Variants in CELF1 observed in about 807,000 individuals in gnomAD.
CELF1 encodes 50 kDa nuclear polyadenylated RNA-binding protein.
In CELF1, 10 loss-of-function variants were observed where a neutral mutation model predicts 61.8. The ratio of observed to expected loss-of-function variants is 0.16; its 90% CI spans 0.10 to 0.27. The LOEUF (loss-of-function observed/expected upper bound fraction) is 0.27, where lower values mean the gene tolerates loss of function less well. Among genes scored for constraint, CELF1 ranks in the 10% least tolerant of loss-of-function variants. The pLI is 1.00. For synonymous variants in CELF1, 236 were observed against 225.1 expected, an observed-to-expected ratio of 1.05 and a Z score of -0.43; for missense variants, 380 against 639.1, an observed-to-expected ratio of 0.59 and a Z score of 4.37.
intron 9 of CELF1, among the ~76,000 whole-genome samples, chr11:47,479,563 G>A (rs1276889958): frequency 1.3e-5 from 2 of 152,136 alleles, no homozygotes; most frequent in Non-Finnish European, 2.9e-5. Flanking sequence ...TGTTGCAGAT[G>A]ACCAAATGAC....
At chr11:47,494,016 C>A (rs1397481462) in intron 3 of CELF1, among the ~76,000 whole-genome samples, 1 of 152,242 alleles carries the variant, frequency 6.6e-6, no homozygotes, top group Non-Finnish European at 1.5e-5. Context: ...TTGTACCTTA[C>A]TTCCCCATTC....
chr11:47,538,902 T>C (rs929314947), intron 1 of CELF1, among the ~76,000 whole-genome samples: 1 of 152,166 alleles, frequency 6.6e-6, no homozygotes, highest in Non-Finnish European at 1.5e-5. Flanking sequence ...ATTCATGAAG[T>C]TACTGAGCTG....
chr11:47,483,410 T>C (rs1317505373), intron 8 of CELF1, 43 bp downstream of exon 8: 5 of 1,514,110 alleles, frequency 3.3e-6, no homozygotes, highest in Non-Finnish European at 3.7e-6. Context: ...GTCCCAGCAT[T>C]CCCAAGCTGA....
chr11:47,546,750 T>C (rs75159144), intron 1 of CELF1, among the ~76,000 whole-genome samples: 4,105 of 152,226 alleles, frequency 0.027, 70 homozygotes, highest in Non-Finnish European at 0.041. Flanking sequence ...CTTCATGTGA[T>C]ACTTTTTCAG....
chr11:47,542,136 G>A (rs1412528716), intron 1 of CELF1, among the ~76,000 whole-genome samples: 1 of 152,076 alleles, frequency 6.6e-6, no homozygotes, highest in Admixed American at 6.6e-5. Flanking sequence ...TCGGGAGGCC[G>A]AGGCAGGTGG....
At chr11:47,540,667 C>T (rs1292868077) in intron 1 of CELF1, among the ~76,000 whole-genome samples, 4 of 152,008 alleles carry the variant, frequency 2.6e-5, no homozygotes. Context: ...GGGTGGATCA[C>T]GAGGTCAGGA....
At chr11:47,529,946 G>A (rs952641951) in intron 1 of CELF1, among the ~76,000 whole-genome samples, 2 of 152,124 alleles carry the variant, frequency 1.3e-5, no homozygotes, top group Admixed American at 1.3e-4. Flanking sequence ...TACTATATGA[G>A]AACAGCTATT....
intron 1 of CELF1, among the ~76,000 whole-genome samples, chr11:47,530,610 CA>C (rs1214658802): frequency 1.3e-5 from 2 of 152,056 alleles, no homozygotes; most frequent in Non-Finnish European, 2.9e-5. Context: ...GTATCAGAGA[CA>C]AAAGGATGGC....
At chr11:47,489,888 G>A (rs2090106334) in intron 3 of CELF1, among the ~76,000 whole-genome samples, 1 of 144,476 alleles carries the variant, frequency 6.9e-6, no homozygotes, top group African/African-American at 2.6e-5. Flanking sequence ...AAACAACCTA[G>A]GTGAATTCTT....
intron 1 of CELF1, among the ~76,000 whole-genome samples, chr11:47,502,790 C>T (rs1410825892): frequency 6.6e-6 from 1 of 152,060 alleles, no homozygotes; most frequent in African/African-American, 2.4e-5. Context: ...TGAGATTGCG[C>T]CACTGCACTC....
At chr11:47,475,204 A>G (rs1175370144) in intron 13 of CELF1, 132 bp downstream of exon 13, 1 of 781,330 alleles carries the variant, frequency 1.3e-6, no homozygotes, top group Non-Finnish European at 2.1e-6. Flanking sequence ...CTCAGTCTAC[A>G]CTTGACACTG....
chr11:47,563,049 G>A (rs968483922), intron 2 of CELF1, among the ~76,000 whole-genome samples: 77 of 151,796 alleles, frequency 5.1e-4, no homozygotes, highest in Non-Finnish European at 5.6e-4. Context: ...AGACCCCATC[G>A]CTACAAATAA....
intron 1 of CELF1, chr11:47,524,550 C>G (rs556846697): frequency 6.6e-6 from 1 of 152,434 alleles, no homozygotes; most frequent in South Asian, 2.1e-4. Flanking sequence ...CCTCAGTCCT[C>G]CACAGAGACG....
intron 1 of CELF1, among the ~76,000 whole-genome samples, chr11:47,539,855 C>A (rs867494251): frequency 1.3e-5 from 2 of 152,282 alleles, no homozygotes; most frequent in East Asian, 3.9e-4. Context: ...TCCCTCCCTA[C>A]GGAATGACCT....
chr11:47,489,935 G>GTTTTTTGTTTTTTTTTTTTTTTTTTTT (rs1555170256), intron 3 of CELF1, among the ~76,000 whole-genome samples: 3 of 48,236 alleles, frequency 6.2e-5, no homozygotes, highest in Non-Finnish European at 7.8e-5. Flanking sequence ...ATACCATCTT[G>GTTTTTTGTTTTTTTTTTTTTTTTTTTT]TTTTTTTTTT....
intron 1 of CELF1, among the ~76,000 whole-genome samples, chr11:47,504,564 G>A (rs1192311895): frequency 2.0e-5 from 3 of 151,960 alleles, no homozygotes; most frequent in Non-Finnish European, 4.4e-5. Flanking sequence ...GGGCAACAGC[G>A]TGAGACCCTG....
chr11:47,481,081 GTTTTTTTTTTTTTTCTTCTTCTTTTT>G (rs1289920489), intron 9 of CELF1, among the ~76,000 whole-genome samples: 9 of 92,852 alleles, frequency 9.7e-5, no homozygotes, highest in Non-Finnish European at 1.9e-4. Context: ...ATAAACTGGG[GTTTTTTTTTTTTTTCTTCTTCTTTTT>G]TTTTTTTTTT....
chr11:47,564,186 A>G (rs1485396749), intron 2 of CELF1, among the ~76,000 whole-genome samples: 2 of 149,550 alleles, frequency 1.3e-5, no homozygotes, highest in East Asian at 2.0e-4. Context: ...AAAAAAAAAA[A>G]AAAAAAAAGA....
intron 1 of CELF1, among the ~76,000 whole-genome samples, chr11:47,543,233 A>G (rs11039284): frequency 0.2 from 30,538 of 152,082 alleles, 3,900 homozygotes; most frequent in East Asian, 0.28. Context: ...GTGGGACCCC[A>G]TCTCTACAAA....
Sources: allele counts gnomAD v4.1 joint callset (sites outside exome capture counted in the v4.1 genomes callset), GRCh38; gene constraint gnomAD v4.1.1; transcripts MANE v1.5; gene names NCBI Gene and HGNC (gene_info 2026-07-23, HGNC 2026-07-21).